ITPK1: variants seen among roughly 807,000 people sequenced by gnomAD.
ITPK1 encodes inositol-tetrakisphosphate 1-kinase.
Under a neutral mutation model 45.3 loss-of-function variants are expected in ITPK1, and 21 were observed. That is an observed-to-expected ratio of 0.46 (90% confidence interval 0.33 to 0.67). The LOEUF is 0.67. Ranked by LOEUF, ITPK1 falls within the 30% of genes least tolerant of loss-of-function variation. ITPK1 has a pLI of 0.02. For missense variants in ITPK1, 474 were observed against 573.5 expected (o/e 0.83, Z 1.77); for synonymous variants, 258 against 253.6 (o/e 1.02, Z -0.16).
chr14:93,037,607 G>C (rs1889376568), intron 3 of ITPK1, among the ~76,000 whole-genome samples: 1 of 152,160 alleles, frequency 6.6e-6, no homozygotes, highest in Non-Finnish European at 1.5e-5. Flanking sequence ...ACTCCTACTG[G>C]CGAGCCCGGG....
intron 3 of ITPK1, among the ~76,000 whole-genome samples, chr14:93,026,783 G>C (rs1595148969): frequency 6.9e-6 from 1 of 143,952 alleles, no homozygotes; most frequent in African/African-American, 3.0e-5. Flanking sequence ...AAGAGAACGG[G>C]GAGTGCTTTC....
chr14:92,937,282 C>T lies in ITPK1; in HGVS notation c.*4279G>A, dbSNP rs1887172153. The stretch of plus-strand genomic sequence containing the variant: ...TTGCTTGTGAACAGCTTGAAGCAAA[C>T]AGCATTTGTCACAAAGCCCAGGTGT... On this transcript the variant is annotated 3_prime_UTR_variant, in exon 11 of 11. Transcript: ENST00000267615. 6.6e-6 allele frequency: 1 copy of T among 152,254 alleles called. No homozygotes were observed. The allele number at this position is 152,254 out of a possible 1,614,324, so 9.4% of individuals were successfully genotyped here.
chr14:93,065,278 A>G (rs1409982583), intron 3 of ITPK1, among the ~76,000 whole-genome samples: 2 of 152,168 alleles, frequency 1.3e-5, no homozygotes, highest in Non-Finnish European at 2.9e-5. Context: ...AATCAAACAG[A>G]AGAGATCCTT....
At chr14:92,944,206 G>A (rs1382730880) in intron 10 of ITPK1, among the ~76,000 whole-genome samples, 2 of 152,120 alleles carry the variant, frequency 1.3e-5, no homozygotes. Context: ...ATGGCCCAAG[G>A]TGCCTCCTGT....
chr14:92,973,187 T>C (rs1885745147), intron 5 of ITPK1, among the ~76,000 whole-genome samples: 1 of 152,246 alleles, frequency 6.6e-6, no homozygotes, highest in Admixed American at 6.5e-5. Flanking sequence ...CTATTAAATT[T>C]TCATATATGG....
In ITPK1 at chr14:93,090,948, C is replaced by T. The variant is rs1595207334; in HGVS notation, c.96-14329G>A. ...AGCCAAGCCAGAGGCCCCCATCATC[C>T]TCCCCTGCTCTTCCTCCTCATCCCT... On this transcript the variant is annotated intron_variant, in intron 2 of 10. Transcript: ENST00000267615. Among the ~76,000 whole-genome samples the T allele has an allele frequency of 2.0e-5, 3 of 152,280 alleles. No individual in the cohort carries two copies. The South Asian group carries it at 6.2e-4, about 32-fold the overall frequency.
chr14:92,978,441 A>G (rs1015960909), intron 5 of ITPK1, among the ~76,000 whole-genome samples: 2 of 152,072 alleles, frequency 1.3e-5, no homozygotes, highest in African/African-American at 4.8e-5. Context: ...AGAAATTTGC[A>G]TAAGAAGCCC....
rs765936059 is a variant in ITPK1 at position 92,941,712 on chromosome 14, A to G, written c.1094T>C (p.Met365Thr). Residue 365 changes from methionine (M) to threonine (T), a missense_variant, in exon 11 of 11, where the codon ATG becomes ACG. This residue lies in a region of ITPK1 where 107 missense variants were observed against 92.9 expected (regional missense o/e 1.15). Transcript: ENST00000267615. ...CTTCCAGGGCGCGTCCTGGCCCATC[A>G]TGCTGCCGCAGCAGCCGGGGCTGGC... The part of the protein sequence containing the change: ...CSASPGCCGS[M>T]MGQDAPWKAE... 1 of 1,574,604 alleles carries G rather than the reference A, an allele frequency of 6.4e-7. No individual in the cohort carries two copies. Among genetic ancestry groups the G allele is most frequent in the Non-Finnish European group, 8.6e-7 (1 of 1,162,546 alleles).
chr14:92,940,405 C>T lies in ITPK1; in HGVS notation c.*1156G>A. The T allele has an allele frequency of 9.7e-7, 1 of 1,029,340 alleles. No individual in the cohort carries two copies. The highest frequency in any genetic ancestry group is 1.2e-6 in the Non-Finnish European group (1 of 855,496). 63.8% of individuals were successfully genotyped at this position (1,029,340 alleles called of 1,614,324 possible). On this transcript the variant is annotated 3_prime_UTR_variant, in exon 11 of 11. Transcript: ENST00000267615. The stretch of plus-strand genomic sequence containing the variant: ...GTCAGACGGCAGAGCCAGTGCTTTG[C>T]TGCCAAGGTGATGGGGTGAGTCTGA...
chr14:93,107,151 A>AC lies in ITPK1; in HGVS notation c.95+7917_95+7918insG, dbSNP rs1315873205. ...TTTTGTATTTTTAGTAGAGATAGGT[A>AC]TTCACCATGTTGCCCAGGCTGGTCT... On this transcript the variant is annotated intron_variant, in intron 2 of 10. Coordinates refer to ENST00000267615, the MANE Select transcript of ITPK1 (RefSeq NM_014216.6). Among the ~76,000 whole-genome samples, 4 of 151,952 alleles carry AC rather than the reference A, an allele frequency of 2.6e-5. No homozygotes were observed. The East Asian group carries it at 5.8e-4, about 22-fold the overall frequency.
At chr14:93,083,403 G>A (rs1891520285) in intron 2 of ITPK1, among the ~76,000 whole-genome samples, 1 of 152,168 alleles carries the variant, frequency 6.6e-6, no homozygotes, top group Non-Finnish European at 1.5e-5. Flanking sequence ...CCCCAGGGCA[G>A]GGTGGGGACC....
In ITPK1 at chr14:93,074,066, C is replaced by T. The variant is rs555294952; in HGVS notation, c.120+2529G>A. On this transcript the variant is annotated intron_variant, in intron 3 of 10. Transcript: ENST00000267615. ...AGCCCAGCTGATTTTGAAAAGCCAG[C>T]CAAGTGGCTTGGCTTCCTGTTTTTG... Among the ~76,000 whole-genome samples, 7 of 152,368 alleles carry T rather than the reference C, an allele frequency of 4.6e-5. No homozygotes were observed. The East Asian group carries it at 9.6e-4, about 21-fold the overall frequency.
rs12891505 is a variant in ITPK1, at chr14:92,944,816, T to C, written c.901+1515A>G. 6.4e-3 allele frequency among the ~76,000 whole-genome samples: 981 copies of C among 152,196 alleles called. 6 individuals carry two copies. Among genetic ancestry groups the C allele is most frequent in the Admixed American group, 0.012 (184 of 15,294 alleles). ...AGCTCCAGCTAAACCCATGGTTTCC[T>C]CCCCACTGCACCCAGAGGCAATGGA... is the stretch of plus-strand genomic sequence containing the variant. On this transcript the variant is annotated intron_variant, in intron 10 of 10. Coordinates refer to ENST00000267615, the MANE Select transcript of ITPK1 (RefSeq NM_014216.6).
At chr14:93,020,628 T>C (rs1566739408) in intron 3 of ITPK1, among the ~76,000 whole-genome samples, 1 of 152,204 alleles carries the variant, frequency 6.6e-6, no homozygotes, top group East Asian at 1.9e-4. Context: ...ACCCCAGTTA[T>C]GATGCTGATT....
chr14:93,090,414 A>G (rs1891821170), intron 2 of ITPK1, among the ~76,000 whole-genome samples: 1 of 152,112 alleles, frequency 6.6e-6, no homozygotes, highest in Non-Finnish European at 1.5e-5. Context: ...CGAGACCTGA[A>G]GGGCCAGCAC....
At chr14:92,997,402 A>G (rs1004546444) in intron 4 of ITPK1, among the ~76,000 whole-genome samples, 1 of 152,238 alleles carries the variant, frequency 6.6e-6, no homozygotes, top group African/African-American at 2.4e-5. Context: ...TCTGACAAGC[A>G]GGCGTCAACT....
chr14:93,092,723 C>G (rs774135386), intron 2 of ITPK1, among the ~76,000 whole-genome samples: 1 of 152,216 alleles, frequency 6.6e-6, no homozygotes, highest in Admixed American at 6.5e-5. Context: ...AAAGCTGGGC[C>G]TAATGTGGTC....
intron 8 of ITPK1, among the ~76,000 whole-genome samples, chr14:92,956,212 T>G (rs929784067): frequency 6.6e-6 from 1 of 151,846 alleles, no homozygotes; most frequent in African/African-American, 2.4e-5. Context: ...CTTAAACTCC[T>G]GGGCCCAAGC....
At chr14:93,019,222 C>T (rs1270809709) in intron 3 of ITPK1, among the ~76,000 whole-genome samples, 2 of 152,196 alleles carry the variant, frequency 1.3e-5, no homozygotes, top group East Asian at 1.9e-4. Flanking sequence ...CACAGAACCC[C>T]CATGCCCACC....
Sources: allele counts gnomAD v4.1 joint callset (sites outside exome capture counted in the v4.1 genomes callset), GRCh38; gene constraint gnomAD v4.1.1; regional missense constraint gnomAD v4.1.1; transcripts MANE v1.5; gene names NCBI Gene and HGNC (gene_info 2026-07-23, HGNC 2026-07-21).